CLINT1: variants seen among roughly 807,000 people sequenced by gnomAD.
The protein encoded by CLINT1 is clathrin interactor 1.
CLINT1 carries 15 observed loss-of-function variants against 70.4 expected under a neutral mutation model. The observed-to-expected ratio is 0.21, with a 90% CI of 0.14 to 0.33. The LOEUF (loss-of-function observed/expected upper bound fraction) is 0.33. Among genes scored for constraint, CLINT1 ranks in the 10% least tolerant of loss-of-function variants. The probability of loss-of-function intolerance (pLI) is 1.00; values close to 1 mark genes in which losing one functional copy is unlikely to be tolerated. For synonymous variants in CLINT1, 227 were observed against 254.7 expected (o/e 0.89, Z 1.04); for missense variants, 615 against 778.1 (o/e 0.79, Z 2.49).
intron 8 of CLINT1, among the ~76,000 whole-genome samples, chr5:157,798,904 A>C (rs1762137733): frequency 6.6e-6 from 1 of 152,114 alleles, no homozygotes; most frequent in South Asian, 2.1e-4. Flanking sequence ...AGCAATGAAA[A>C]GTACTATAAA....
chr5:157,809,065 T>A (rs1453783204), intron 6 of CLINT1: 1 of 152,134 alleles, frequency 6.6e-6, no homozygotes, highest in Admixed American at 6.5e-5. Flanking sequence ...TTGCAAGTAG[T>A]GTATAACCTA....
At position 157,789,379 on chromosome 5, in the gene CLINT1, T is replaced by C; in HGVS notation, c.1515A>G (p.Thr505=). The change falls in exon 11 of 12, where the codon ACA becomes ACG. Residue 505 remains threonine, a synonymous_variant. Coordinates refer to ENST00000411809, the MANE Select transcript of CLINT1 (RefSeq NM_014666.4). Reference sequence around the variant, plus strand: ...GTAACTTACTCTGTTGCTGAATCATTGTATTCAGTGATGGCTGCTGGGGTT... The same window carrying C: ...GTAACTTACTCTGTTGCTGAATCATCGTATTCAGTGATGGCTGCTGGGGTT... ...PSKPQQPSLN[T]MIQQQNMQQP... is the part of the protein sequence containing the mutation. 1 of 1,613,904 alleles carries C rather than the reference T, an allele frequency of 6.2e-7. No individual in the cohort carries two copies. The highest frequency in any genetic ancestry group is 1.3e-5 in the African/African-American group (1 of 75,026).
intron 3 of CLINT1, among the ~76,000 whole-genome samples, chr5:157,814,826 AATTT>A: frequency 6.6e-6 from 1 of 152,128 alleles, no homozygotes; most frequent in East Asian, 1.9e-4. Context: ...TGAGGTCAGG[AATTT>A]AAGACCAGGT....
intron 9 of CLINT1, among the ~76,000 whole-genome samples, chr5:157,793,988 A>C (rs1761993868): frequency 6.6e-6 from 1 of 152,156 alleles, no homozygotes; most frequent in African/African-American, 2.4e-5. Context: ...CTCATAGCTA[A>C]ATTTTAAAAA....
intron 1 of CLINT1, among the ~76,000 whole-genome samples, chr5:157,820,857 G>A (rs761521453): frequency 3.8e-4 from 58 of 152,058 alleles, no homozygotes; most frequent in Non-Finnish European, 7.8e-4. Flanking sequence ...CACTCTCAAC[G>A]GTTTCTTAAA....
At chr5:157,799,773 C>T (rs1762160318) in intron 8 of CLINT1, among the ~76,000 whole-genome samples, 2 of 152,046 alleles carry the variant, frequency 1.3e-5, no homozygotes, top group Admixed American at 1.3e-4. Context: ...ATAGAGGGTA[C>T]TTACACAAAC....
chr5:157,793,958 C>T (rs1266843766), intron 9 of CLINT1, among the ~76,000 whole-genome samples: 1 of 151,974 alleles, frequency 6.6e-6, no homozygotes, highest in Non-Finnish European at 1.5e-5. Context: ...TTCTCCCTGC[C>T]TCACCTCATG....
At chr5:157,845,202 A>T (rs1401026765) in intron 1 of CLINT1, among the ~76,000 whole-genome samples, 8 of 152,008 alleles carry the variant, frequency 5.3e-5, no homozygotes, top group Non-Finnish European at 1.2e-4. Flanking sequence ...TACAAAAAAT[A>T]GCCTGGCGTG....
intron 3 of CLINT1, among the ~76,000 whole-genome samples, chr5:157,814,975 G>A (rs532479924): frequency 6.6e-6 from 1 of 150,954 alleles, no homozygotes; most frequent in African/African-American, 2.4e-5. Context: ...GGAGGTTGCA[G>A]TGAGCTGAGC....
At chr5:157,792,299 G>A (rs776943113) in intron 9 of CLINT1, among the ~76,000 whole-genome samples, 1 of 152,064 alleles carries the variant, frequency 6.6e-6, no homozygotes, top group Non-Finnish European at 1.5e-5. Context: ...TGTAATCCCA[G>A]GACTTTGGGA....
intron 1 of CLINT1, among the ~76,000 whole-genome samples, chr5:157,841,360 G>A (rs1242391383): frequency 1.3e-5 from 2 of 151,650 alleles, no homozygotes; most frequent in Non-Finnish European, 2.9e-5. Context: ...GAGGTCAGGA[G>A]TTCGAGACCA....
chr5:157,858,736 A>T (rs1753835961), intron 1 of CLINT1, among the ~76,000 whole-genome samples, 194 bp downstream of exon 1: 1 of 152,070 alleles, frequency 6.6e-6, no homozygotes, highest in Admixed American at 6.5e-5. Flanking sequence ...TTTTTTTTAA[A>T]ACGAGGGAGG....
intron 9 of CLINT1, among the ~76,000 whole-genome samples, chr5:157,792,206 G>A (rs1380804522): frequency 6.6e-6 from 1 of 151,860 alleles, no homozygotes; most frequent in East Asian, 1.9e-4. Flanking sequence ...CAAATATAAC[G>A]TAAAATCCAT....
At position 157,803,640 on chromosome 5, in the gene CLINT1, A is replaced by T; in HGVS notation, c.1012+10T>A. 10 of 1,485,344 alleles carry T rather than the reference A, an allele frequency of 6.7e-6. No homozygotes were observed. Among genetic ancestry groups the T allele is most frequent in the Non-Finnish European group, 9.1e-6 (10 of 1,104,146 alleles). The allele number at this position is 1,485,344 out of a possible 1,614,324, so 92.0% of individuals were successfully genotyped here. Reference sequence around the variant, plus strand: ...TCAAACCAAAAGAAAAGGCCAATGTAGAAGCTTACCTGTTGACTGGCTGGT... The same window carrying T: ...TCAAACCAAAAGAAAAGGCCAATGTTGAAGCTTACCTGTTGACTGGCTGGT... On this transcript the variant is annotated intron_variant, in intron 8 of 11. Coordinates refer to ENST00000411809, the MANE Select transcript of CLINT1 (RefSeq NM_014666.4).
At chr5:157,844,175 A>G (rs921226703) in intron 1 of CLINT1, among the ~76,000 whole-genome samples, 3 of 152,140 alleles carry the variant, frequency 2.0e-5, no homozygotes, top group African/African-American at 7.2e-5. Context: ...GACATGAAGG[A>G]AAACTGTTTC....
chr5:157,858,237 G>C (rs1258466340), intron 1 of CLINT1, among the ~76,000 whole-genome samples: 1 of 151,956 alleles, frequency 6.6e-6, no homozygotes, highest in Non-Finnish European at 1.5e-5. Flanking sequence ...TAATCGAATG[G>C]AACAAGTAGC....
intron 1 of CLINT1, among the ~76,000 whole-genome samples, chr5:157,832,355 AAAGG>A (rs776370970): frequency 6.6e-6 from 1 of 152,210 alleles, no homozygotes; most frequent in Non-Finnish European, 1.5e-5. Context: ...AGAAGTAAAT[AAAGG>A]TAGTTTCACT....
chr5:157,853,574 C>G (rs1753646487), intron 1 of CLINT1, among the ~76,000 whole-genome samples: 1 of 151,550 alleles, frequency 6.6e-6, no homozygotes, highest in South Asian at 2.1e-4. Context: ...GTCAAGAGTT[C>G]AAGACCAGCC....
In CLINT1 at chr5:157,805,892, T is replaced by C. The variant is rs1320106995; in HGVS notation, c.916A>G (p.Thr306Ala). ...TTAACTGAAGACTGAGGTGTGTGGG[T>C]TGAAGCATTCTGATCTGGACTTGCT... The part of the protein sequence containing the change: ...DKASPDQNAS[T>A]HTPQSSVKTS... Residue 306 changes from threonine (T) to alanine (A), a missense_variant, in exon 7 of 12, where the codon ACC (threonine) becomes GCC (alanine). By Grantham distance (58) the Thr-to-Ala change is moderately conservative. This residue lies in a region of CLINT1 where 374 missense variants were observed against 409.6 expected (regional missense o/e 0.91). Coordinates refer to ENST00000411809, the MANE Select transcript of CLINT1 (RefSeq NM_014666.4). The C allele has an allele frequency of 1.2e-6, 2 of 1,613,838 alleles. No homozygotes were observed. The highest frequency in any genetic ancestry group is 1.3e-5 in the African/African-American group (1 of 74,910).
Sources: allele counts gnomAD v4.1 joint callset (sites outside exome capture counted in the v4.1 genomes callset), GRCh38; gene constraint gnomAD v4.1.1; regional missense constraint gnomAD v4.1.1; transcripts MANE v1.5; gene names NCBI Gene and HGNC (gene_info 2026-07-23, HGNC 2026-07-21).